OPCML: variants seen among roughly 807,000 people sequenced by gnomAD.
The protein encoded by OPCML is opioid binding protein/cell adhesion molecule like.
Under a neutral mutation model 37.8 loss-of-function variants are expected in OPCML, and 13 were observed. That is an observed-to-expected ratio of 0.34 (90% CI 0.22 to 0.55). The LOEUF is 0.55. Among genes scored for constraint, OPCML ranks in the 20% least tolerant of loss-of-function variants. OPCML has a pLI of 0.91. For synonymous variants in OPCML, 176 were observed against 168.8 expected (o/e 1.04, Z -0.33); for missense variants, 341 against 435.6 (o/e 0.78, Z 1.93).
chr11:133,077,346 G>A (rs183477256), intron 1 of OPCML, among the ~76,000 whole-genome samples: 3 of 152,044 alleles, frequency 2.0e-5, no homozygotes, highest in Non-Finnish European at 4.4e-5. Context: ...CCGTGGGCTC[G>A]GCGTGATACC....
intron 1 of OPCML, among the ~76,000 whole-genome samples, chr11:133,317,026 C>G (rs1450786940): frequency 6.6e-6 from 1 of 152,024 alleles, no homozygotes; most frequent in African/African-American, 2.4e-5. Flanking sequence ...GGTGAAACCC[C>G]ATCTCTACTA....
intron 1 of OPCML, among the ~76,000 whole-genome samples, chr11:133,094,092 G>A (rs1485402986): frequency 6.6e-6 from 1 of 151,658 alleles, no homozygotes; most frequent in African/African-American, 2.4e-5. Flanking sequence ...TCTGGACCTG[G>A]GATAAAATAT....
intron 1 of OPCML, among the ~76,000 whole-genome samples, chr11:133,207,489 T>C (rs1044254016): frequency 1.3e-5 from 2 of 152,148 alleles, no homozygotes; most frequent in Non-Finnish European, 2.9e-5. Context: ...ATACCGTGAT[T>C]CTAATTTCAG....
chr11:132,580,860 G>A (rs1053639366), intron 3 of OPCML, among the ~76,000 whole-genome samples: 3 of 152,130 alleles, frequency 2.0e-5, no homozygotes, highest in African/African-American at 7.2e-5. Context: ...TAATTCCATA[G>A]GGGCCTTTCC....
chr11:132,543,625 G>C (rs913928983), intron 3 of OPCML, among the ~76,000 whole-genome samples: 1 of 151,956 alleles, frequency 6.6e-6, no homozygotes, highest in Non-Finnish European at 1.5e-5. Flanking sequence ...AGTTCTTAGG[G>C]ATTCCACTGG....
chr11:133,008,224 G>C, intron 1 of OPCML: 1 of 985,420 alleles, frequency 1.0e-6, no homozygotes, highest in Non-Finnish European at 1.2e-6. Flanking sequence ...ACCCTACACA[G>C]TGTTGGCCAC....
intron 2 of OPCML, among the ~76,000 whole-genome samples, chr11:132,864,128 G>C (rs1942423772): frequency 6.6e-6 from 1 of 151,864 alleles, no homozygotes; most frequent in Admixed American, 6.6e-5. Context: ...AGTAGAGACG[G>C]GGTTTCACCA....
intron 1 of OPCML, among the ~76,000 whole-genome samples, chr11:133,144,994 G>T (rs1350130785): frequency 6.6e-6 from 1 of 152,208 alleles, no homozygotes; most frequent in African/African-American, 2.4e-5. Context: ...GGTAACCTGG[G>T]CTCTTAGCAA....
intron 1 of OPCML, among the ~76,000 whole-genome samples, chr11:133,438,261 A>C (rs1479634299): frequency 6.6e-6 from 1 of 152,214 alleles, no homozygotes; most frequent in African/African-American, 2.4e-5. Context: ...GAATTGTTAA[A>C]ATTGTTAAAA....
At chr11:132,852,576 C>T (rs191460963) in intron 2 of OPCML, among the ~76,000 whole-genome samples, 1 of 151,972 alleles carries the variant, frequency 6.6e-6, no homozygotes, top group East Asian at 1.9e-4. Flanking sequence ...TCTGTCGGCA[C>T]CGCGTGCTTC....
chr11:133,516,778 C>G (rs1042103997), intron 1 of OPCML, among the ~76,000 whole-genome samples: 4 of 152,140 alleles, frequency 2.6e-5, no homozygotes, highest in African/African-American at 7.2e-5. Flanking sequence ...CTGTCCTTGG[C>G]CTTTTCTTCT....
intron 1 of OPCML, among the ~76,000 whole-genome samples, chr11:133,042,319 G>T (rs1030800164): frequency 6.6e-6 from 1 of 152,196 alleles, no homozygotes; most frequent in Non-Finnish European, 1.5e-5. Context: ...ACGGAGTGAA[G>T]AAAAAGCAAA....
At chr11:132,910,670 C>T (rs147871320) in intron 2 of OPCML, among the ~76,000 whole-genome samples, 2 of 152,140 alleles carry the variant, frequency 1.3e-5, no homozygotes, top group Admixed American at 6.5e-5. Context: ...ACAAGTATTT[C>T]CCTGAAGTAG....
At chr11:132,526,439 T>C (rs553749364) in intron 4 of OPCML, among the ~76,000 whole-genome samples, 25 of 152,280 alleles carry the variant, frequency 1.6e-4, no homozygotes, top group African/African-American at 5.8e-4. Context: ...CCCTTACATA[T>C]ACTTTAATAC....
intron 2 of OPCML, among the ~76,000 whole-genome samples, chr11:132,839,652 A>G (rs897915085): frequency 2.0e-5 from 3 of 152,116 alleles, no homozygotes; most frequent in Non-Finnish European, 2.9e-5. Flanking sequence ...TGATTATTTA[A>G]TCTGAAATCC....
At chr11:133,422,151 GT>G in intron 1 of OPCML, 1 of 970,638 alleles carries the variant, frequency 1.0e-6, no homozygotes, top group Non-Finnish European at 1.2e-6. Context: ...CGATGTGTTT[GT>G]TTGTTTGTTG....
At chr11:132,443,931 C>A (rs1462460331) in intron 4 of OPCML, among the ~76,000 whole-genome samples, 2 of 152,354 alleles carry the variant, frequency 1.3e-5, no homozygotes, top group Non-Finnish European at 2.9e-5. Flanking sequence ...CGCTGGGCTA[C>A]AATCCCCACT....
chr11:132,812,858 C>A (rs1046403135), intron 2 of OPCML, among the ~76,000 whole-genome samples: 3 of 152,194 alleles, frequency 2.0e-5, no homozygotes, highest in Non-Finnish European at 4.4e-5. Flanking sequence ...ATCTCCCTAG[C>A]ACTTAATACA....
chr11:132,480,127 T>A (rs1010784990), intron 4 of OPCML, among the ~76,000 whole-genome samples: 1 of 151,718 alleles, frequency 6.6e-6, no homozygotes, highest in African/African-American at 2.4e-5. Context: ...TTGAAAAAAA[T>A]TTAGAAGAAT....
Sources: allele counts gnomAD v4.1 joint callset (sites outside exome capture counted in the v4.1 genomes callset), GRCh38; gene constraint gnomAD v4.1.1; transcripts MANE v1.5; gene names NCBI Gene and HGNC (gene_info 2026-07-23, HGNC 2026-07-21).